KCNH5: variants seen among roughly 807,000 people sequenced by gnomAD.
KCNH5 encodes voltage-gated delayed rectifier potassium channel KCNH5.
In KCNH5, 46 loss-of-function variants were observed where a neutral mutation model predicts 96.1. That is an observed-to-expected ratio of 0.48 (90% CI 0.38 to 0.61). KCNH5 has a LOEUF of 0.61. Ranked by LOEUF, KCNH5 falls within the 20% of genes least tolerant of loss-of-function variation. KCNH5 has a pLI of 0.00. For synonymous variants in KCNH5, 439 were observed against 449.8 expected, an observed-to-expected ratio of 0.98 and a Z score of 0.30; for missense variants, 907 against 1,225.8, an observed-to-expected ratio of 0.74 and a Z score of 3.88.
At chr14:62,749,988 G>T (rs1885461292) in intron 10 of KCNH5, among the ~76,000 whole-genome samples, 2 of 152,146 alleles carry the variant, frequency 1.3e-5, no homozygotes, top group Non-Finnish European at 2.9e-5. Flanking sequence ...AACCTCAATT[G>T]CCTTTTCAGA....
chr14:62,755,258 AC>A (rs1487741450), intron 10 of KCNH5, among the ~76,000 whole-genome samples: 1 of 152,200 alleles, frequency 6.6e-6, no homozygotes, highest in Non-Finnish European at 1.5e-5. Flanking sequence ...ATAAAGTATA[AC>A]CAATACAGCA....
rs1250622021 is a variant in KCNH5, at chr14:62,704,257, A to G, written c.*3251T>C. 1 of 151,894 alleles carries G rather than the reference A, an allele frequency of 6.6e-6. No homozygotes were observed. The highest frequency in any genetic ancestry group is 2.4e-5 in the African/African-American group (1 of 41,426). The allele number at this position is 151,894 out of a possible 1,614,324, so 9.4% of individuals were successfully genotyped here. A position where few individuals can be genotyped will look rare whatever the true frequency, so the allele number is the denominator to read the frequency against. ...ATACTTAGGACATTTTTAGTCCTAT[A>G]CTTAATGCAAGATGCAACTAGTGTC... On this transcript the variant is annotated 3_prime_UTR_variant, in exon 11 of 11. Transcript: ENST00000322893.
At chr14:62,970,073 T>TAAAAAAAAAAAAAAAAAAA (rs1284748914) in intron 6 of KCNH5, among the ~76,000 whole-genome samples, 19 of 112,196 alleles carry the variant, frequency 1.7e-4, no homozygotes, top group Middle Eastern at 4.6e-3. Flanking sequence ...AAAAAAAAAT[T>TAAAAAAAAAAAAAAAAAAA]AAATCAATAA....
At chr14:62,844,743 G>A (rs552547689) in intron 8 of KCNH5, among the ~76,000 whole-genome samples, 1 of 152,162 alleles carries the variant, frequency 6.6e-6, no homozygotes, top group African/African-American at 2.4e-5. Context: ...TAGAAATGCT[G>A]CAATCTCCAC....
At chr14:62,877,994 A>C (rs1595667162) in intron 7 of KCNH5, among the ~76,000 whole-genome samples, 1 of 152,012 alleles carries the variant, frequency 6.6e-6, no homozygotes, top group East Asian at 1.9e-4. Context: ...GCACATATAC[A>C]CCATGGAATA....
intron 7 of KCNH5, among the ~76,000 whole-genome samples, chr14:62,886,591 G>C (rs1888603119): frequency 6.6e-6 from 1 of 152,198 alleles, no homozygotes. Context: ...AATTCTTCAT[G>C]TTGTCAAGCT....
chr14:62,955,296 G>T (rs1225063111), intron 6 of KCNH5, among the ~76,000 whole-genome samples: 1 of 152,104 alleles, frequency 6.6e-6, no homozygotes, highest in Non-Finnish European at 1.5e-5. Context: ...ATGGGCCTGT[G>T]CCACACACTT....
rs143014300 is a variant in KCNH5 at position 63,041,486 on chromosome 14, C to T, written c.73+3628G>A. Among the ~76,000 whole-genome samples, 413 of 152,180 alleles carry T rather than the reference C, an allele frequency of 2.7e-3. 2 individuals carry two copies. The highest frequency in any genetic ancestry group is 9.6e-3 in the African/African-American group (398 of 41,534). On this transcript the variant is annotated intron_variant, in intron 1 of 10. Coordinates refer to ENST00000322893, the MANE Select transcript of KCNH5 (RefSeq NM_139318.5). The stretch of plus-strand genomic sequence containing the variant: ...CCTCTAAACCTTCCCTTACTAATGG[C>T]TTATTTTGATCGTACTAGCCAAAAG...
intron 8 of KCNH5, among the ~76,000 whole-genome samples, chr14:62,816,958 T>C (rs944763279): frequency 1.3e-5 from 2 of 150,686 alleles, no homozygotes; most frequent in Non-Finnish European, 3.0e-5. Context: ...CTGTGTTCAT[T>C]GTATTCTTAA....
chr14:63,007,357 T>C (rs1374146003), intron 2 of KCNH5, among the ~76,000 whole-genome samples: 1 of 152,192 alleles, frequency 6.6e-6, no homozygotes, highest in Admixed American at 6.5e-5. Context: ...TTCGAGAAGA[T>C]AGAAAAGATG....
rs1566536838 is a variant in KCNH5 at position 63,003,530 on chromosome 14, TATA to T, written c.305-2074_305-2072del. On this transcript the variant is annotated intron_variant, in intron 3 of 10. Coordinates refer to ENST00000322893, the MANE Select transcript of KCNH5 (RefSeq NM_139318.5). Reference sequence around the variant, plus strand: ...TTATATATATTTTATATATTTTATATATATTATATATTATATATAGTATATATT... The same window carrying T: ...TTATATATATTTTATATATTTTATATTTATATATTATATATAGTATATATT... Among the ~76,000 whole-genome samples the T allele has an allele frequency of 5.9e-3, 682 of 116,304 alleles. 14 individuals are homozygous for T. Among genetic ancestry groups the T allele is most frequent in the African/African-American group, 0.021 (635 of 30,312 alleles). The allele number at this position is 116,304 out of a possible 152,430, so 76.3% of individuals were successfully genotyped here. A position where few individuals can be genotyped will look rare whatever the true frequency, so the allele number is the denominator to read the frequency against.
intron 8 of KCNH5, among the ~76,000 whole-genome samples, chr14:62,841,191 T>C (rs535578138): frequency 6.6e-6 from 1 of 151,886 alleles, no homozygotes; most frequent in African/African-American, 2.4e-5. Context: ...ACAAACGCAG[T>C]CAAATAATAA....
chr14:63,026,650 A>G (rs1167846809), intron 1 of KCNH5, among the ~76,000 whole-genome samples: 1 of 152,086 alleles, frequency 6.6e-6, no homozygotes, highest in Non-Finnish European at 1.5e-5. Context: ...TAAAACCACA[A>G]TAAGATGTTA....
chr14:62,774,298 T>C (rs6573460), intron 10 of KCNH5, among the ~76,000 whole-genome samples: 12,380 of 152,182 alleles, frequency 0.081, 682 homozygotes, highest in African/African-American at 0.15. Flanking sequence ...GAAGGAAAGT[T>C]GATATTCAGC....
chr14:62,777,185 G>C (rs1014473275), intron 10 of KCNH5, among the ~76,000 whole-genome samples: 12 of 152,200 alleles, frequency 7.9e-5, no homozygotes, highest in African/African-American at 2.9e-4. Context: ...ATAAATTGTT[G>C]ACAGTGTTTC....
Position 62,966,655 on chromosome 14 carries a change from T to C in KCNH5, c.942+14217A>G, listed in dbSNP as rs558125666. On this transcript the variant is annotated intron_variant, in intron 6 of 10. Coordinates refer to ENST00000322893, the MANE Select transcript of KCNH5 (RefSeq NM_139318.5). ...GACTCTCCTGCTCAGATAAATGGTT[T>C]GATTTTTTTATTACACGAACTTTGC... is the stretch of plus-strand genomic sequence containing the variant. 3.3e-5 allele frequency among the ~76,000 whole-genome samples: 5 copies of C among 152,316 alleles called. No homozygotes were observed. In the South Asian group the frequency reaches 1.0e-3, roughly 32 times the overall value.
At chr14:63,003,928 C>T (rs904221135) in intron 3 of KCNH5, among the ~76,000 whole-genome samples, 6 of 151,906 alleles carry the variant, frequency 3.9e-5, no homozygotes, top group Non-Finnish European at 7.4e-5. Flanking sequence ...CCAGAAAGAG[C>T]TATCTTAAGC....
At chr14:62,917,950 G>C (rs946195838) in intron 7 of KCNH5, among the ~76,000 whole-genome samples, 3 of 152,110 alleles carry the variant, frequency 2.0e-5, no homozygotes, top group Non-Finnish European at 4.4e-5. Context: ...TGTTCAGCAT[G>C]AGGCAGGGGC....
At chr14:62,903,424 C>A (rs1888967708) in intron 7 of KCNH5, among the ~76,000 whole-genome samples, 1 of 152,126 alleles carries the variant, frequency 6.6e-6, no homozygotes, top group South Asian at 2.1e-4. Flanking sequence ...CATTTTGAAG[C>A]AAGGAACACA....
Sources: allele counts gnomAD v4.1 joint callset (sites outside exome capture counted in the v4.1 genomes callset), GRCh38; gene constraint gnomAD v4.1.1; transcripts MANE v1.5; gene names NCBI Gene and HGNC (gene_info 2026-07-23, HGNC 2026-07-21).